Variants in IQCK observed in about 807,000 individuals in gnomAD.
The protein encoded by IQCK is IQ motif containing K.
A neutral mutation model predicts 28.1 loss-of-function variants in IQCK; 29 were observed. The ratio of observed to expected loss-of-function variants is 1.03; its 90% CI spans 0.77 to 1.41. The LOEUF (loss-of-function observed/expected upper bound fraction) is 1.41, where lower values mean the gene tolerates loss of function less well. Among genes scored for constraint, IQCK ranks in the 40% most tolerant of loss-of-function variants. The pLI is 0.00. For missense variants in IQCK, 359 were observed against 314.7 expected (o/e 1.14, Z -1.07); for synonymous variants, 113 against 115.1 (o/e 0.98, Z 0.12).
chr16:19,809,585 C>T (rs908182715), intron 7 of IQCK, among the ~76,000 whole-genome samples: 2 of 152,216 alleles, frequency 1.3e-5, no homozygotes, highest in African/African-American at 4.8e-5. Context: ...ACTTCAGTTA[C>T]TGTCTATCTG....
At chr16:19,791,691 G>T (rs1352974208) in intron 7 of IQCK, among the ~76,000 whole-genome samples, 1 of 144,190 alleles carries the variant, frequency 6.9e-6, no homozygotes, top group Non-Finnish European at 1.5e-5. Context: ...ACCAACAAAC[G>T]CTGCCATATA....
chr16:19,831,234 T>G (rs1426907088), downstream of IQCK, among the ~76,000 whole-genome samples: 1 of 152,230 alleles, frequency 6.6e-6, no homozygotes, highest in East Asian at 1.9e-4. Flanking sequence ...CAGACCCAGC[T>G]TCTCAGGAAT....
At chr16:19,824,653 A>G (rs2056121551) in intron 7 of IQCK, among the ~76,000 whole-genome samples, 1 of 152,244 alleles carries the variant, frequency 6.6e-6, no homozygotes, top group Non-Finnish European at 1.5e-5. Flanking sequence ...CTTTCAAGAT[A>G]AAGTTGACAC....
chr16:19,730,279 A>C (rs1977790871), intron 1 of IQCK, 151 bp from the exon 2 acceptor site: 1 of 509,906 alleles, frequency 2.0e-6, no homozygotes, highest in Non-Finnish European at 3.4e-6. Flanking sequence ...AAATACCATT[A>C]AATGTTAACC....
At chr16:19,816,369 C>T (rs2055989095) in intron 7 of IQCK, among the ~76,000 whole-genome samples, 1 of 152,170 alleles carries the variant, frequency 6.6e-6, no homozygotes, top group East Asian at 1.9e-4. Flanking sequence ...GCAACCTCCA[C>T]CTCCTGGGTT....
At chr16:19,809,979 G>A (rs1460475483) in intron 7 of IQCK, among the ~76,000 whole-genome samples, 1 of 152,166 alleles carries the variant, frequency 6.6e-6, no homozygotes, top group Non-Finnish European at 1.5e-5. Flanking sequence ...AAACACCAGG[G>A]CGGCGATAAC....
At chr16:19,763,663 G>A (rs1341263640) in intron 4 of IQCK, among the ~76,000 whole-genome samples, 185 bp from the exon 5 acceptor site, 2 of 152,238 alleles carry the variant, frequency 1.3e-5, no homozygotes, top group Admixed American at 1.3e-4. Flanking sequence ...GACTGGTCTC[G>A]AACTCCTGAC....
intron 4 of IQCK, among the ~76,000 whole-genome samples, chr16:19,753,996 G>A (rs934162916): frequency 2.6e-5 from 4 of 152,056 alleles, no homozygotes; most frequent in Non-Finnish European, 4.4e-5. Context: ...TGGGTCACAT[G>A]CCCATTCCTG....
intron 9 of IQCK, among the ~76,000 whole-genome samples, chr16:19,848,098 C>T (rs527382560): frequency 2.6e-5 from 4 of 152,328 alleles, no homozygotes; most frequent in African/African-American, 9.6e-5. Context: ...TCCAAAGTGG[C>T]TGTACCATTT....
chr16:19,786,829 G>GGAGC (rs1400514111), intron 6 of IQCK, among the ~76,000 whole-genome samples: 1 of 80,002 alleles, frequency 1.2e-5, no homozygotes, highest in Non-Finnish European at 2.0e-5. Flanking sequence ...AGGGAGGGAG[G>GGAGC]GAGGGGGGAT....
At chr16:19,830,156 A>G (rs2056212372), downstream of IQCK, among the ~76,000 whole-genome samples, 2 of 152,340 alleles carry the variant, frequency 1.3e-5, no homozygotes, top group South Asian at 2.1e-4. Flanking sequence ...AGCTTGAGCT[A>G]TCACTGTTTG....
rs560650271 is a variant in IQCK at position 19,745,944 on chromosome 16, G to A, written c.474+10494G>A. ...GTGGTGGTCTCCAGCAGCTTTCCAA[G>A]AGGGTAAAAGCAAAAGTGCAAAGCC... is the stretch of plus-strand genomic sequence containing the variant. On this transcript the variant is annotated intron_variant, in intron 4 of 7. Transcript: ENST00000564186. Among the ~76,000 whole-genome samples, 6 of 152,292 alleles carry A rather than the reference G, an allele frequency of 3.9e-5. No individual in the cohort carries two copies. In the South Asian group the frequency reaches 1.2e-3, roughly 32 times the overall value.
intron 9 of IQCK, among the ~76,000 whole-genome samples, chr16:19,853,405 G>A (rs2056511126): frequency 6.6e-6 from 1 of 152,124 alleles, no homozygotes. Context: ...GATACTAAGG[G>A]GCTTTTTCCC....
At chr16:19,808,182 G>C (rs192531281) in intron 7 of IQCK, among the ~76,000 whole-genome samples, 22 of 152,254 alleles carry the variant, frequency 1.4e-4, no homozygotes, top group African/African-American at 5.1e-4. Context: ...GATTTGGGCT[G>C]CTTCGGGCCT....
At chr16:19,728,407 G>A (rs1457638793) in intron 1 of IQCK, among the ~76,000 whole-genome samples, 4 of 151,948 alleles carry the variant, frequency 2.6e-5, no homozygotes, top group African/African-American at 9.7e-5. Flanking sequence ...CTGCCACCAC[G>A]CCCAGCTAAT....
chr16:19,831,737 T>C (rs1323675099), downstream of IQCK, among the ~76,000 whole-genome samples: 2 of 151,962 alleles, frequency 1.3e-5, no homozygotes, highest in South Asian at 2.1e-4. Context: ...TTTATCCACA[T>C]TGTGCTCCGG....
chr16:19,852,464 C>G (rs2056495114), intron 9 of IQCK, among the ~76,000 whole-genome samples: 1 of 150,392 alleles, frequency 6.6e-6, no homozygotes, highest in Admixed American at 6.6e-5. Flanking sequence ...TAAAGCTCTT[C>G]CCCCATGAAG....
At chr16:19,757,839 AT>A (rs1283760852) in intron 4 of IQCK, among the ~76,000 whole-genome samples, 2 of 152,070 alleles carry the variant, frequency 1.3e-5, no homozygotes, top group Non-Finnish European at 2.9e-5. Flanking sequence ...TGATTCTACA[AT>A]TTCCATTTTG....
intron 6 of IQCK, among the ~76,000 whole-genome samples, chr16:19,782,796 C>T (rs930111411): frequency 8.5e-5 from 13 of 152,110 alleles, no homozygotes; most frequent in Admixed American, 2.6e-4. Flanking sequence ...TCAAGACTAA[C>T]GTCTCAGATT....
Sources: gnomAD v4.1 joint callset for allele counts (sites outside exome capture counted in the v4.1 genomes callset) on GRCh38, gnomAD v4.1.1 for gene constraint, MANE v1.5 for transcripts, NCBI Gene and HGNC (gene_info 2026-07-23, HGNC 2026-07-21) for gene names.